MACROD1: variants seen among roughly 807,000 people sequenced by gnomAD.
MACROD1 encodes mono-ADP ribosylhydrolase 1, also known as ADP-ribose glycohydrolase MACROD1.
Under a neutral mutation model 41.4 loss-of-function variants are expected in MACROD1, and 31 were observed. The observed-to-expected ratio is 0.75, with a 90% confidence interval of 0.56 to 1.01. The LOEUF (loss-of-function observed/expected upper bound fraction) is 1.01, where lower values mean the gene tolerates loss of function less well. MACROD1 is among the 50% of genes least tolerant of loss of function. MACROD1 has a pLI of 0.00. For missense variants in MACROD1, 473 were observed against 460.0 expected, an observed-to-expected ratio of 1.03 and a Z score of -0.26; for synonymous variants, 252 against 203.4, an observed-to-expected ratio of 1.24 and a Z score of -2.03.
chr11:64,154,503 C>T (rs1018989769), intron 1 of MACROD1, among the ~76,000 whole-genome samples: 3 of 152,058 alleles, frequency 2.0e-5, no homozygotes, highest in African/African-American at 7.2e-5. Context: ...GTTCCTTGAC[C>T]GGCAGCCATG....
At chr11:64,033,629 T>C (rs1943322440) in intron 3 of MACROD1, among the ~76,000 whole-genome samples, 1 of 151,888 alleles carries the variant, frequency 6.6e-6, no homozygotes, top group South Asian at 2.1e-4. Context: ...TCACCTGAGG[T>C]CAGGAGCTTG....
At chr11:64,091,854 A>G (rs1456501232) in intron 3 of MACROD1, among the ~76,000 whole-genome samples, 1 of 152,168 alleles carries the variant, frequency 6.6e-6, no homozygotes, top group African/African-American at 2.4e-5. Context: ...AGCCAAAGGC[A>G]GGAGCACCAG....
rs138908467 is a variant in MACROD1 at position 63,999,019 on chromosome 11, G to T, written c.909C>A (p.Ile303=). 1 of 1,606,908 alleles carries T rather than the reference G, an allele frequency of 6.2e-7. No individual in the cohort carries two copies. Among genetic ancestry groups the T allele is most frequent in the Non-Finnish European group, 8.5e-7 (1 of 1,177,472 alleles). The change falls in exon 9 of 11, where the codon ATC becomes ATA. Residue 303 remains isoleucine, a synonymous_variant. Transcript: ENST00000255681. ...CCTCGTCCTTCTCGAGGAACACGCA[G>T]ATGATCAGCCGGTCCACCTGCGCCA... is the stretch of plus-strand genomic sequence containing the variant. ...QHKDKVDRLI[I]CVFLEKDEDI...
rs1944321657 is a variant in MACROD1, at chr11:64,082,498, A to C, written c.518-67217T>G. On this transcript the variant is annotated intron_variant, in intron 3 of 10. Transcript: ENST00000255681. The surrounding 1 kb of genome is among the most constrained non-coding windows in gnomAD (Gnocchi z 4.5). ...CAGGCTGGGGCCAAGAGCTGGTCCCAGGGGGTGAAACAAGGCTCGGTGCCT... is the reference window on the plus strand; with the variant it reads ...CAGGCTGGGGCCAAGAGCTGGTCCCCGGGGGTGAAACAAGGCTCGGTGCCT... Among the ~76,000 whole-genome samples the C allele has an allele frequency of 6.6e-6, 1 of 151,772 alleles. No individual in the cohort carries two copies. The highest frequency in any genetic ancestry group is 1.5e-5 in the Non-Finnish European group (1 of 67,892).
At chr11:64,113,409 G>A (rs1944896179) in intron 3 of MACROD1, among the ~76,000 whole-genome samples, 1 of 135,582 alleles carries the variant, frequency 7.4e-6, no homozygotes, top group African/African-American at 2.5e-5. Context: ...TGAATGGACA[G>A]GTTGATGCAT....
chr11:64,154,271 C>A (rs186370605), intron 1 of MACROD1, among the ~76,000 whole-genome samples: 13 of 152,208 alleles, frequency 8.5e-5, no homozygotes, highest in African/African-American at 2.7e-4. Context: ...ACTCTTTCCC[C>A]CAAAACGTCA....
intron 3 of MACROD1, among the ~76,000 whole-genome samples, chr11:64,020,502 G>A (rs1184123441): frequency 6.6e-6 from 1 of 151,870 alleles, no homozygotes; most frequent in Non-Finnish European, 1.5e-5. Context: ...AGGCCCCATC[G>A]ACCATCTCCT....
At chr11:64,164,615 G>A (rs1945807579) in intron 1 of MACROD1, among the ~76,000 whole-genome samples, 1 of 152,252 alleles carries the variant, frequency 6.6e-6, no homozygotes, top group East Asian at 1.9e-4. Flanking sequence ...TTAGATCCTG[G>A]CGCAGGCCAC....
At chr11:64,014,476 C>T (rs937258672) in intron 4 of MACROD1, among the ~76,000 whole-genome samples, 14 of 152,356 alleles carry the variant, frequency 9.2e-5, no homozygotes, top group South Asian at 4.1e-4. Context: ...GCCCTGCCAC[C>T]GCTGCCGTAA....
chr11:64,088,699 CCTGT>C (rs1464450014), intron 3 of MACROD1, among the ~76,000 whole-genome samples: 1 of 152,268 alleles, frequency 6.6e-6, no homozygotes, highest in East Asian at 1.9e-4. Flanking sequence ...TCTCGGCTGC[CCTGT>C]CTATGAAATG....
intron 3 of MACROD1, among the ~76,000 whole-genome samples, chr11:64,049,252 GT>G (rs1320713230): frequency 6.6e-6 from 1 of 152,168 alleles, no homozygotes; most frequent in Non-Finnish European, 1.5e-5. Context: ...CCATTGTGTA[GT>G]AGGAAACTGA....
intron 3 of MACROD1, among the ~76,000 whole-genome samples, chr11:64,019,424 C>T (rs1041384403): frequency 6.6e-6 from 1 of 152,196 alleles, no homozygotes; most frequent in African/African-American, 2.4e-5. Flanking sequence ...CCTCCTCTGC[C>T]CCAGCACTTG....
chr11:64,152,896 T>A (rs1199110932), intron 1 of MACROD1, among the ~76,000 whole-genome samples: 27 of 152,216 alleles, frequency 1.8e-4, no homozygotes, highest in Non-Finnish European at 5.9e-5. Context: ...CTCCAGGAGC[T>A]GCAGGACCAA....
chr11:64,082,527 G>A lies in MACROD1; in HGVS notation c.518-67246C>T, dbSNP rs1238765461. On this transcript the variant is annotated intron_variant, in intron 3 of 10. Transcript: ENST00000255681. This position sits in a 1 kb window ranked among gnomAD's most constrained non-coding sequence, Gnocchi z 4.5. The stretch of plus-strand genomic sequence containing the variant: ...GGTGAAACAAGGCTCGGTGCCTAAC[G>A]GTGGTGGCCGTGGGAGTCAGAGCTC... Among the ~76,000 whole-genome samples the A allele has an allele frequency of 1.3e-5, 2 of 152,104 alleles. No individual in the cohort carries two copies. Among genetic ancestry groups the A allele is most frequent in the South Asian group, 2.1e-4 (1 of 4,830 alleles).
intron 3 of MACROD1, among the ~76,000 whole-genome samples, chr11:64,092,794 A>ATC: frequency 6.6e-6 from 1 of 152,354 alleles, no homozygotes; most frequent in South Asian, 2.1e-4. Context: ...CACCCACAGC[A>ATC]TCTCCCCAAG....
chr11:64,011,059 TGTTG>T (rs1376578811), intron 4 of MACROD1, among the ~76,000 whole-genome samples: 3 of 141,878 alleles, frequency 2.1e-5, no homozygotes, highest in Admixed American at 1.4e-4. Flanking sequence ...TTGGCTGGCA[TGTTG>T]GTTGGGGTGT....
rs139266418 is a variant in MACROD1, at chr11:64,082,734, G to A, written c.518-67453C>T. Among the ~76,000 whole-genome samples, 387 of 152,276 alleles carry A rather than the reference G, an allele frequency of 2.5e-3. 2 individuals are homozygous for A. The highest frequency in any genetic ancestry group is 4.0e-3 in the Non-Finnish European group (274 of 68,002). ...CAAGGAATGTGGAGCATCCTCCTGA[G>A]AGGACTCAGAGGGGATTCCTGGGCC... On this transcript the variant is annotated intron_variant, in intron 3 of 10. Transcript: ENST00000255681. The surrounding 1 kb of genome is among the most constrained non-coding windows in gnomAD (Gnocchi z 4.5).
chr11:64,018,574 C>T (rs753304534), intron 3 of MACROD1, among the ~76,000 whole-genome samples: 3 of 152,182 alleles, frequency 2.0e-5, no homozygotes, highest in African/African-American at 4.8e-5. Context: ...TCAGGTCTCC[C>T]TGCTCCTCAG....
At chr11:64,097,818 C>T (rs1399163824) in intron 3 of MACROD1, among the ~76,000 whole-genome samples, 1 of 152,184 alleles carries the variant, frequency 6.6e-6, no homozygotes, top group Non-Finnish European at 1.5e-5. Flanking sequence ...TGCTCCTGCT[C>T]AGGCCTGGGG....
Sources: allele counts gnomAD v4.1 joint callset (sites outside exome capture counted in the v4.1 genomes callset), GRCh38; gene constraint gnomAD v4.1.1; non-coding constraint Gnocchi (gnomAD v3.1); transcripts MANE v1.5; gene names NCBI Gene and HGNC (gene_info 2026-07-23, HGNC 2026-07-21).